PTPRQ: variants seen among roughly 807,000 people sequenced by gnomAD.
The protein encoded by PTPRQ is phosphatidylinositol phosphatase PTPRQ.
In PTPRQ, 199 loss-of-function variants were observed where a neutral mutation model predicts 246.0. The observed-to-expected ratio is 0.81, with a 90% CI of 0.72 to 0.91. PTPRQ has a LOEUF of 0.91. Among genes scored for constraint, PTPRQ ranks in the 40% least tolerant of loss-of-function variants. The pLI, the probability that PTPRQ is intolerant of heterozygous loss-of-function variation, is 0.00. For missense variants in PTPRQ, 2,624 were observed against 2,528.4 expected, an observed-to-expected ratio of 1.04 and a Z score of -0.81; for synonymous variants, 869 against 853.2, an observed-to-expected ratio of 1.02 and a Z score of -0.32.
chr12:80,673,302 C>A lies in PTPRQ; in HGVS notation c.6736C>A (p.Leu2246Met). ...RSERMCMVQN[L>M]AQYIFLHQCI... ...TGAAAGAATGTGCATGGTGCAGAAT[C>A]TGGTAAGATCTCTAAACCTGCACTG... Residue 2246 changes from leucine (L) to methionine (M), a missense_variant and splice_region_variant, in exon 43 of 45, where the codon CTG becomes ATG. Leu to Met is a conservative substitution (Grantham distance 15). Transcript: ENST00000644991. 1 of 1,547,560 alleles carries A rather than the reference C, an allele frequency of 6.5e-7. No homozygotes were observed. Among genetic ancestry groups the A allele is most frequent in the South Asian group, 1.2e-5 (1 of 83,170 alleles).
At position 80,652,902 on chromosome 12, in the gene PTPRQ, T is replaced by C. The variant is rs1022194431; in HGVS notation, c.6115+68T>C. ...TAAATGCCTACCATCTTAACTTTTT[T>C]GTTTCCTTAATATATTTTATTTTAT... On this transcript the variant is annotated intron_variant, in intron 38 of 44. Coordinates refer to ENST00000644991, the MANE Select transcript of PTPRQ (RefSeq NM_001145026.2). 2.0e-5 allele frequency: 28 copies of C among 1,391,438 alleles called. No individual in the cohort carries two copies. The East Asian group carries it at 7.9e-4, about 39-fold the overall frequency. 86.2% of individuals were successfully genotyped at this position (1,391,438 alleles called of 1,614,324 possible). A position where few individuals can be genotyped will look rare whatever the true frequency, so the allele number is the denominator to read the frequency against.
chr12:80,448,147 G>T (rs1249944841), intron 3 of PTPRQ, among the ~76,000 whole-genome samples: 3 of 151,536 alleles, frequency 2.0e-5, no homozygotes, highest in African/African-American at 7.3e-5. Context: ...TTTTTTTGTG[G>T]CTATCGTAAA....
intron 6 of PTPRQ, among the ~76,000 whole-genome samples, chr12:80,466,051 A>G (rs1893394567): frequency 6.6e-6 from 1 of 152,224 alleles, no homozygotes; most frequent in African/African-American, 2.4e-5. Flanking sequence ...AATTAGGAAA[A>G]GAGGAAGTCA....
At chr12:80,585,987 G>A (rs1301891866) in intron 25 of PTPRQ, among the ~76,000 whole-genome samples, 1 of 148,292 alleles carries the variant, frequency 6.7e-6, no homozygotes, top group Non-Finnish European at 1.5e-5. Flanking sequence ...TGTGGTGTTT[G>A]GTTTTTTTGT....
At chr12:80,501,359 G>A (rs981239505) in intron 14 of PTPRQ, among the ~76,000 whole-genome samples, 2 of 151,902 alleles carry the variant, frequency 1.3e-5, no homozygotes, top group Non-Finnish European at 2.9e-5. Context: ...TAGATTGTTT[G>A]TCTGAGTATC....
rs985962173 is a variant in PTPRQ, at chr12:80,445,482, T to A, written c.164-9T>A. Reference sequence around the variant, plus strand: ...TGACCTTTTAACAAAATGGATTTTTTAAAAATAGAACCAGGGCCTCCAGTC... The same window carrying A: ...TGACCTTTTAACAAAATGGATTTTTAAAAAATAGAACCAGGGCCTCCAGTC... On this transcript the variant is annotated splice_polypyrimidine_tract_variant and intron_variant, in intron 2 of 44. Transcript: ENST00000644991. 21 of 1,492,574 alleles carry A rather than the reference T, an allele frequency of 1.4e-5. No homozygotes were observed. The highest frequency in any genetic ancestry group is 4.2e-5 in the African/African-American group (3 of 70,596). The allele number at this position is 1,492,574 out of a possible 1,614,324, so 92.5% of individuals were successfully genotyped here.
intron 25 of PTPRQ, among the ~76,000 whole-genome samples, chr12:80,578,297 A>G (rs1415525816): frequency 7.3e-6 from 1 of 136,878 alleles, no homozygotes; most frequent in African/African-American, 2.8e-5. Flanking sequence ...TTCAGTTCCC[A>G]CCTATGAGTG....
Position 80,642,938 on chromosome 12 carries a change from A to ACAAAAAC in PTPRQ, c.5916-5959_5916-5958insCAAAAAC, listed in dbSNP as rs1565837046. On this transcript the variant is annotated intron_variant, in intron 35 of 44. Transcript: ENST00000644991. The stretch of plus-strand genomic sequence containing the variant: ...CCGTCTTAAAAAAAAAAAAAAAAAA[A>ACAAAAAC]AAAAAAAACAATTGAGTATCTCTCA... 8.5e-3 allele frequency among the ~76,000 whole-genome samples: 1,266 copies of ACAAAAAC among 149,472 alleles called. 53 individuals are homozygous for ACAAAAAC. Among genetic ancestry groups the ACAAAAAC allele is most frequent in the African/African-American group, 0.03 (1,217 of 40,000 alleles).
chr12:80,640,950 A>C (rs1196307775), intron 35 of PTPRQ, among the ~76,000 whole-genome samples: 3 of 152,314 alleles, frequency 2.0e-5, no homozygotes, highest in African/African-American at 7.2e-5. Flanking sequence ...TTCTGTTATC[A>C]ACATGACGCA....
chr12:80,628,234 A>G (rs1899280642), intron 33 of PTPRQ, among the ~76,000 whole-genome samples: 1 of 152,166 alleles, frequency 6.6e-6, no homozygotes, highest in Admixed American at 6.6e-5. Flanking sequence ...TTTAGGTGAT[A>G]CATGCTGCTT....
chr12:80,483,063 A>G (rs1360298090), intron 8 of PTPRQ, among the ~76,000 whole-genome samples: 1 of 123,708 alleles, frequency 8.1e-6, no homozygotes, highest in Non-Finnish European at 1.7e-5. Flanking sequence ...GCTGCTATAA[A>G]GACACATGCA....
At chr12:80,467,337 C>G (rs1396817501) in intron 6 of PTPRQ, among the ~76,000 whole-genome samples, 11 of 152,052 alleles carry the variant, frequency 7.2e-5, no homozygotes, top group Non-Finnish European at 1.3e-4. Context: ...GAATGGCAAT[C>G]ATTAAAAAGT....
At chr12:80,482,020 A>G (rs1894081375) in intron 8 of PTPRQ, among the ~76,000 whole-genome samples, 2 of 143,410 alleles carry the variant, frequency 1.4e-5, no homozygotes, top group Admixed American at 1.4e-4. Flanking sequence ...AATTGGAAAA[A>G]ACTACTTTAA....
chr12:80,639,626 T>A (rs1185863730), intron 35 of PTPRQ, among the ~76,000 whole-genome samples: 2 of 152,358 alleles, frequency 1.3e-5, no homozygotes, highest in East Asian at 3.9e-4. Context: ...AGTGTACATG[T>A]TGAATTTTTG....
At chr12:80,473,051 A>ACACACACACACACACACACGCG in intron 8 of PTPRQ, among the ~76,000 whole-genome samples, 1 of 136,050 alleles carries the variant, frequency 7.4e-6, no homozygotes, top group South Asian at 2.2e-4. Flanking sequence ...ACACACGCAC[A>ACACACACACACACACACACGCG]CACACACACA....
chr12:80,635,316 C>T (rs927333168), intron 35 of PTPRQ, among the ~76,000 whole-genome samples: 2 of 152,104 alleles, frequency 1.3e-5, no homozygotes, highest in African/African-American at 4.8e-5. Flanking sequence ...GGATTATTTT[C>T]CTGGGACAAA....
intron 27 of PTPRQ, among the ~76,000 whole-genome samples, chr12:80,609,543 T>C (rs1898468509): frequency 6.6e-6 from 1 of 150,652 alleles, no homozygotes; most frequent in Non-Finnish European, 1.5e-5. Flanking sequence ...GCAAGTTTAG[T>C]TATGTTTAAT....
rs71094983 is a variant in PTPRQ, at chr12:80,483,987, T to TTTTGTTTG, written c.1187-418_1187-411dup. ...TTGTCTATTTTCTTTCTTTCTTGTTTTTTGTTTGTTTGTTTGTTTGTTTGT... is the reference window on the plus strand; with the variant it reads ...TTGTCTATTTTCTTTCTTTCTTGTTTTTTGTTTGTTTGTTTGTTTGTTTGTTTGTTTGT... On this transcript the variant is annotated intron_variant, in intron 8 of 44. Transcript: ENST00000644991. Among the ~76,000 whole-genome samples, 1,397 of 149,326 alleles carry TTTTGTTTG rather than the reference T, an allele frequency of 9.4e-3. 7 individuals carry two copies. The highest frequency in any genetic ancestry group is 0.013 in the Non-Finnish European group (859 of 67,426).
intron 43 of PTPRQ, among the ~76,000 whole-genome samples, chr12:80,673,967 T>C (rs2121293580): frequency 6.6e-6 from 1 of 152,270 alleles, no homozygotes; most frequent in Middle Eastern, 3.4e-3. Context: ...ATTTAATCTT[T>C]ATTAAATTAA....
Sources: allele counts gnomAD v4.1 joint callset (sites outside exome capture counted in the v4.1 genomes callset), GRCh38; gene constraint gnomAD v4.1.1; transcripts MANE v1.5; gene names NCBI Gene and HGNC (gene_info 2026-07-23, HGNC 2026-07-21).